The following FILIP1L variants were observed in gnomAD, a reference collection of about 807,000 sequenced individuals.
FILIP1L encodes the protein filamin A interacting protein 1 like.
In FILIP1L, 55 loss-of-function variants were observed where a neutral mutation model predicts 96.6. That is an observed-to-expected ratio of 0.57 (90% CI 0.46 to 0.71). The LOEUF is 0.71. Ranked by LOEUF, FILIP1L falls within the 30% of genes least tolerant of loss-of-function variation. FILIP1L has a pLI of 0.00. For missense variants in FILIP1L, 1,304 were observed against 1,321.2 expected, an observed-to-expected ratio of 0.99 and a Z score of 0.20; for synonymous variants, 467 against 473.9, an observed-to-expected ratio of 0.99 and a Z score of 0.19.
chr3:100,092,950 A>G (rs999105275), intron 1 of FILIP1L, among the ~76,000 whole-genome samples: 23 of 151,922 alleles, frequency 1.5e-4, no homozygotes, highest in African/African-American at 5.6e-4. Context: ...TCCTGGATAC[A>G]CATAACTCTC....
At chr3:100,038,239 AG>A (rs1443492679) in intron 1 of FILIP1L, among the ~76,000 whole-genome samples, 1 of 152,142 alleles carries the variant, frequency 6.6e-6, no homozygotes, top group African/African-American at 2.4e-5. Flanking sequence ...TACAGGCGTG[AG>A]CCACCACGCC....
intron 4 of FILIP1L, among the ~76,000 whole-genome samples, chr3:99,897,688 A>G (rs1018744812): frequency 6.6e-6 from 1 of 152,186 alleles, no homozygotes; most frequent in Non-Finnish European, 1.5e-5. Flanking sequence ...TTGGGAAGCA[A>G]TGAGGTTCTG....
intron 5 of FILIP1L, among the ~76,000 whole-genome samples, chr3:99,832,759 G>C (rs1942727071): frequency 7.0e-6 from 1 of 143,704 alleles, no homozygotes; most frequent in Non-Finnish European, 1.5e-5. Flanking sequence ...AGAATCGCTT[G>C]AACCCACGAG....
intron 1 of FILIP1L, among the ~76,000 whole-genome samples, chr3:100,083,531 G>A (rs2065962434): frequency 6.6e-6 from 1 of 152,196 alleles, no homozygotes; most frequent in African/African-American, 2.4e-5. Context: ...TAATCATTGT[G>A]ACATTTTCCC....
intron 4 of FILIP1L, among the ~76,000 whole-genome samples, chr3:99,912,334 G>A (rs956840689): frequency 1.3e-4 from 20 of 152,082 alleles, no homozygotes; most frequent in Admixed American, 2.6e-4. Flanking sequence ...GGTTTCTAGC[G>A]GCTGTAGTGT....
intron 5 of FILIP1L, among the ~76,000 whole-genome samples, chr3:99,841,844 G>A (rs953163958): frequency 6.6e-6 from 1 of 152,158 alleles, no homozygotes; most frequent in African/African-American, 2.4e-5. Context: ...ATAGATGTTG[G>A]TGTGGATGTG....
intron 1 of FILIP1L, among the ~76,000 whole-genome samples, chr3:100,048,578 G>A (rs181392070): frequency 6.6e-6 from 1 of 152,326 alleles, no homozygotes; most frequent in East Asian, 1.9e-4. Context: ...GAGAAACTGA[G>A]CATGGTAATT....
intron 4 of FILIP1L, among the ~76,000 whole-genome samples, chr3:99,870,247 G>A (rs572945514): frequency 2.0e-5 from 3 of 152,178 alleles, no homozygotes; most frequent in Non-Finnish European, 4.4e-5. Context: ...GAGCTAAGAA[G>A]AGTAGAACTC....
chr3:99,871,474 C>T (rs1944783427), intron 4 of FILIP1L, among the ~76,000 whole-genome samples: 1 of 152,068 alleles, frequency 6.6e-6, no homozygotes, highest in Admixed American at 6.5e-5. Flanking sequence ...GTTTATAGTC[C>T]AAGAGACAGA....
chr3:99,851,124 G>T (rs868563058), intron 4 of FILIP1L, 54 bp from the exon 5 acceptor site: 11 of 1,352,194 alleles, frequency 8.1e-6, no homozygotes, highest in Non-Finnish European at 1.0e-5. Context: ...GTAACTCATC[G>T]AATGTACTTA....
chr3:99,873,967 C>T (rs906598468), intron 4 of FILIP1L, among the ~76,000 whole-genome samples: 3 of 152,182 alleles, frequency 2.0e-5, no homozygotes, highest in Non-Finnish European at 4.4e-5. Context: ...ATTTTCCCAT[C>T]ATACAGATTG....
intron 1 of FILIP1L, among the ~76,000 whole-genome samples, chr3:99,999,806 G>C (rs1559720285): frequency 1.3e-5 from 2 of 152,140 alleles, no homozygotes; most frequent in Non-Finnish European, 2.9e-5. Context: ...TCACCAAACA[G>C]TGCATCCAGT....
chr3:99,833,759 C>T (rs931607192), intron 5 of FILIP1L, among the ~76,000 whole-genome samples: 1 of 152,194 alleles, frequency 6.6e-6, no homozygotes, highest in African/African-American at 2.4e-5. Flanking sequence ...CTCCCAGAGA[C>T]CTCTGGTCAT....
rs143146133 is a variant in FILIP1L at position 99,850,184 on chromosome 3, C to T, written c.1492G>A (p.Val498Met). 3 of 1,611,350 alleles carry T rather than the reference C, an allele frequency of 1.9e-6. No individual in the cohort carries two copies. The African/African-American group carries it at 4.0e-5, about 22-fold the overall frequency. Residue 498 changes from valine (V) to methionine (M), a missense_variant, in exon 5 of 6, where the codon GTG becomes ATG. Physicochemically the swap from Val to Met is conservative, Grantham distance 21. Transcript: ENST00000477258. The part of the protein sequence containing the change: ...EDLTKLKTLT[V>M]MFVDERKTMS... ...GTTTTCCGTTCATCTACAAACATCA[C>T]AGTTAATGTTTTCAGTTTAGTTAAA...
At chr3:99,966,398 A>AT (rs969753502) in intron 1 of FILIP1L, among the ~76,000 whole-genome samples, 29 of 150,582 alleles carry the variant, frequency 1.9e-4, no homozygotes, top group Admixed American at 2.6e-4. Context: ...TGATGGATAG[A>AT]TTTTTTTTTT....
At chr3:99,932,631 T>C (rs1288671309) in intron 1 of FILIP1L, among the ~76,000 whole-genome samples, 2 of 152,226 alleles carry the variant, frequency 1.3e-5, no homozygotes, top group Non-Finnish European at 2.9e-5. Context: ...GGCTCACACC[T>C]GTAATGCCAA....
intron 4 of FILIP1L, among the ~76,000 whole-genome samples, chr3:99,857,913 C>T (rs1469221357): frequency 6.6e-6 from 1 of 152,130 alleles, no homozygotes; most frequent in Non-Finnish European, 1.5e-5. Flanking sequence ...ACAACAAAGA[C>T]AATCATTAGT....
intron 4 of FILIP1L, among the ~76,000 whole-genome samples, chr3:99,872,793 G>A (rs1229147138): frequency 6.6e-6 from 1 of 152,140 alleles, no homozygotes; most frequent in African/African-American, 2.4e-5. Flanking sequence ...TGAAGAGGGA[G>A]TGTTTCTCAT....
chr3:100,010,778 A>ATTTTTTTTTTT (rs11371196), intron 1 of FILIP1L, among the ~76,000 whole-genome samples: 512 of 93,556 alleles, frequency 5.5e-3, no homozygotes, highest in Non-Finnish European at 6.5e-3. Context: ...CCACGCCCGG[A>ATTTTTTTTTTT]TTTTTTTTTT....
Sources: gnomAD v4.1 joint callset for allele counts (sites outside exome capture counted in the v4.1 genomes callset) on GRCh38, gnomAD v4.1.1 for gene constraint, MANE v1.5 for transcripts, NCBI Gene and HGNC (gene_info 2026-07-23, HGNC 2026-07-21) for gene names.